Variants in MSRB1 observed in about 807,000 individuals in gnomAD.
MSRB1 encodes methionine sulfoxide reductase B1, also known as methionine-R-sulfoxide reductase B1.
Under a neutral mutation model 15.2 loss-of-function variants are expected in MSRB1, and 13 were observed. The observed-to-expected ratio is 0.86, with a 90% CI of 0.56 to 1.36. MSRB1 has a LOEUF of 1.36. Ranked by LOEUF, MSRB1 falls within the 40% of genes most tolerant of loss-of-function variation. The pLI is 0.00. For missense variants in MSRB1, 174 were observed against 155.9 expected, an observed-to-expected ratio of 1.12 and a Z score of -0.62; for synonymous variants, 68 against 64.5, an observed-to-expected ratio of 1.05 and a Z score of -0.26.
rs775877649 is a variant in MSRB1 at position 1,941,274 on chromosome 16, T to C, written c.187A>G (p.Arg63Gly). The C allele has an allele frequency of 3.1e-6, 5 of 1,612,536 alleles. No homozygotes were observed. The highest frequency in any genetic ancestry group is 4.2e-6 in the Non-Finnish European group (5 of 1,179,736). ...DSVAKRPEHN[R>G]SEALKVSCGK... Reference sequence around the variant, plus strand: ...CCTCTCACCTTCAAGGCTTCAGATCTATTGTGCTCCGGACGCTTGGCCACG... The same window carrying C: ...CCTCTCACCTTCAAGGCTTCAGATCCATTGTGCTCCGGACGCTTGGCCACG... Residue 63 changes from arginine (R) to glycine (G), a missense_variant, in exon 2 of 4, where the codon AGA becomes GGA. Transcript: ENST00000361871.
Position 1,940,801 on chromosome 16 carries a change from C to A in MSRB1, c.296G>T (p.Ser99Ile), listed in dbSNP as rs1279176916. Residue 99 changes from serine (S) to isoleucine (I), a missense_variant, in exon 3 of 4, where the codon AGC becomes ATC. Ser to Ile is a moderately radical substitution (Grantham distance 142). Transcript: ENST00000361871. The part of the protein sequence containing the change: ...PGQSRFUIFS[S>I]SLKFVPKGKE... The stretch of plus-strand genomic sequence containing the variant: ...ACCTTTAGGGACAAACTTCAGCGAG[C>A]TGCTGAATATTCAGAATCGGGACTG... 2 of 1,613,732 alleles carry A rather than the reference C, an allele frequency of 1.2e-6. No homozygotes were observed. Among genetic ancestry groups the A allele is most frequent in the East Asian group, 2.2e-5 (1 of 44,858 alleles).
In MSRB1 at chr16:1,941,410, G is replaced by A. The variant is rs910519456; in HGVS notation, c.56-5C>T. The A allele has an allele frequency of 1.2e-6, 2 of 1,607,434 alleles. No individual in the cohort carries two copies. The highest frequency in any genetic ancestry group is 2.7e-5 in the African/African-American group (2 of 74,666). On this transcript the variant is annotated splice_region_variant and splice_polypyrimidine_tract_variant and intron_variant, in intron 1 of 3. Transcript: ENST00000361871. ...ACTTGGCACACACGTAAACGCCTGT[G>A]GTGGAAGGAGAGGCAAATGTGGAGT... is the stretch of plus-strand genomic sequence containing the variant.
Position 1,938,821 on chromosome 16 carries a change from C to G in MSRB1, c.*291G>C. ...ACGTCATTCAGAGACCAGCTGCACC[C>G]AGGGCTCACCTCCTGGAGGCACCTA... On this transcript the variant is annotated 3_prime_UTR_variant, in exon 4 of 4. Coordinates refer to ENST00000361871, the MANE Select transcript of MSRB1 (RefSeq NM_016332.4). The G allele has an allele frequency of 1.9e-6, 1 of 517,548 alleles. No individual in the cohort carries two copies. The highest frequency in any genetic ancestry group is 3.4e-6 in the Non-Finnish European group (1 of 292,794). The allele number at this position is 517,548 out of a possible 1,614,324, so 32.1% of individuals were successfully genotyped here.
intron 1 of MSRB1, 189 bp from the exon 2 acceptor site, chr16:1,941,594 G>T: frequency 1.4e-6 from 1 of 707,956 alleles, no homozygotes; most frequent in East Asian, 2.7e-5. Flanking sequence ...CCAGAGACCA[G>T]GGGAGTCACC....
At chr16:1,940,668 T>G in intron 3 of MSRB1, 110 bp downstream of exon 3, 2 of 1,325,944 alleles carry the variant, frequency 1.5e-6, no homozygotes, top group Non-Finnish European at 2.0e-6. Flanking sequence ...GCAGCGTGAC[T>G]TGGTGGCCCC....
chr16:1,943,067 G>T, intron 1 of MSRB1, 35 bp downstream of exon 1: 1 of 1,549,422 alleles, frequency 6.5e-7, no homozygotes, highest in Non-Finnish European at 8.7e-7. Flanking sequence ...GCCCCCCGCC[G>T]CGCTGCCCTC....
At chr16:1,940,667 C>T in intron 3 of MSRB1, 111 bp downstream of exon 3, 6 of 1,323,182 alleles carry the variant, frequency 4.5e-6, no homozygotes, top group Non-Finnish European at 6.2e-6. Flanking sequence ...GGCAGCGTGA[C>T]TTGGTGGCCC....
In MSRB1 at chr16:1,943,181, T is replaced by C. The variant is rs2083092124; in HGVS notation, c.-25A>G. On this transcript the variant is annotated 5_prime_UTR_variant, in exon 1 of 4. Coordinates refer to ENST00000361871, the MANE Select transcript of MSRB1 (RefSeq NM_016332.4). Reference sequence around the variant, plus strand: ...TGGCGCCACCGGAACCGCAGCGCGCTTGCCGCTGCCAACTGACCAAAGGCT... The same window carrying C: ...TGGCGCCACCGGAACCGCAGCGCGCCTGCCGCTGCCAACTGACCAAAGGCT... The C allele has an allele frequency of 6.4e-7, 1 of 1,552,172 alleles. No individual in the cohort carries two copies. Among genetic ancestry groups the C allele is most frequent in the Non-Finnish European group, 8.7e-7 (1 of 1,148,052 alleles).
chr16:1,941,233 TC>T, intron 2 of MSRB1, 23 bp downstream of exon 2: 23 of 1,183,480 alleles, frequency 1.9e-5, no homozygotes, highest in Middle Eastern at 4.2e-4. Flanking sequence ...CCCCCGTCCC[TC>T]CCCCACCCCT....
rs1226575131 is a variant in MSRB1, at chr16:1,938,872, G to A, written c.*240C>T. The A allele has an allele frequency of 1.3e-5, 8 of 599,680 alleles. No individual in the cohort carries two copies. The highest frequency in any genetic ancestry group is 6.0e-5 in the South Asian group (3 of 50,328). 37.1% of individuals were successfully genotyped at this position (599,680 alleles called of 1,614,324 possible). A position where few individuals can be genotyped will look rare whatever the true frequency, so the allele number is the denominator to read the frequency against. ...GAGTGAGCAGGGGGCTAAGTCAGCCGACAGTGTGGCTGCACAGCCCAGGCC... is the reference window on the plus strand; with the variant it reads ...GAGTGAGCAGGGGGCTAAGTCAGCCAACAGTGTGGCTGCACAGCCCAGGCC... On this transcript the variant is annotated 3_prime_UTR_variant, in exon 4 of 4. Coordinates refer to ENST00000361871, the MANE Select transcript of MSRB1 (RefSeq NM_016332.4).
At chr16:1,941,137 G>T (rs1170772589) in intron 2 of MSRB1, 120 bp downstream of exon 2, 1 of 1,554,366 alleles carries the variant, frequency 6.4e-7, no homozygotes, top group Non-Finnish European at 8.7e-7. Flanking sequence ...GAGGCAACAG[G>T]CCTGGAATAG....
rs2974864 is a variant in MSRB1 at position 1,939,124 on chromosome 16, G to A, written c.339C>T (p.Ser113=). The A allele has an allele frequency of 9.9e-6, 16 of 1,609,840 alleles. No individual in the cohort carries two copies. Among genetic ancestry groups the A allele is most frequent in the Non-Finnish European group, 1.4e-5 (16 of 1,178,796 alleles). The part of the protein sequence containing the change: ...FVPKGKETSA[S]QGH ...GTGGGCTGCCCGCCTAGTGACCCTG[G>A]GAGGCAGAAGTTTCTTTGCCTGAAA... The change falls in exon 4 of 4, where the codon TCC becomes TCT. Residue 113 remains serine, a synonymous_variant. Coordinates refer to ENST00000361871, the MANE Select transcript of MSRB1 (RefSeq NM_016332.4).
In MSRB1 at chr16:1,940,900, G is replaced by A; in HGVS notation, c.205-8C>T. 3 of 1,614,130 alleles carry A rather than the reference G, an allele frequency of 1.9e-6. No individual in the cohort carries two copies. Among genetic ancestry groups the A allele is most frequent in the Non-Finnish European group, 2.5e-6 (3 of 1,180,034 alleles). ...ACACTTGCCACAGGACACCTGGAAA[G>A]ATCACAAGGCAGCTGGGTGAGCTTC... On this transcript the variant is annotated splice_region_variant and splice_polypyrimidine_tract_variant and intron_variant, in intron 2 of 3. Transcript: ENST00000361871.
Position 1,941,308 on chromosome 16 carries a change from G to T in MSRB1, c.153C>A (p.His51Gln), listed in dbSNP as rs758003053. The T allele has an allele frequency of 1.9e-6, 3 of 1,613,816 alleles. No homozygotes were observed. The Admixed American group carries it at 5.0e-5, about 27-fold the overall frequency. Reference protein sequence around the residue: ...SPWPAFTETIHADSVAKRPEH... With the variant: ...SPWPAFTETIQADSVAKRPEH... ...CCGGACGCTTGGCCACGCTGTCGGCGTGAATGGTCTCGGTGAACGCCGGCC... is the reference window on the plus strand; with the variant it reads ...CCGGACGCTTGGCCACGCTGTCGGCTTGAATGGTCTCGGTGAACGCCGGCC... The change falls in exon 2 of 4, where the codon CAC (histidine) becomes CAA (glutamine). Residue 51 changes from histidine to glutamine, a missense_variant. Physicochemically the swap from His to Gln is conservative, Grantham distance 24. Coordinates refer to ENST00000361871, the MANE Select transcript of MSRB1 (RefSeq NM_016332.4).
In MSRB1 at chr16:1,939,135, T is replaced by C; in HGVS notation, c.328A>G (p.Thr110Ala). 1 of 1,607,334 alleles carries C rather than the reference T, an allele frequency of 6.2e-7. No individual in the cohort carries two copies. Among genetic ancestry groups the C allele is most frequent in the Non-Finnish European group, 8.5e-7 (1 of 1,178,002 alleles). The part of the protein sequence containing the change: ...SLKFVPKGKE[T>A]SASQGH ...GCCTAGTGACCCTGGGAGGCAGAAG[T>C]TTCTTTGCCTGAAAGAGAGGAGAGG... Residue 110 changes from threonine (T) to alanine (A), a missense_variant, in exon 4 of 4, where the codon ACT becomes GCT. Physicochemically the swap from Thr to Ala is moderately conservative, Grantham distance 58. Transcript: ENST00000361871.
At position 1,941,290 on chromosome 16, in the gene MSRB1, C is replaced by T; in HGVS notation, c.171G>A (p.Lys57=). Reference sequence around the variant, plus strand: ...CTTCAGATCTATTGTGCTCCGGACGCTTGGCCACGCTGTCGGCGTGAATGG... The same window carrying T: ...CTTCAGATCTATTGTGCTCCGGACGTTTGGCCACGCTGTCGGCGTGAATGG... ...TETIHADSVA[K]RPEHNRSEAL... The change falls in exon 2 of 4, where the codon AAG becomes AAA. Residue 57 remains lysine, a synonymous_variant. Transcript: ENST00000361871. 1 of 1,613,650 alleles carries T rather than the reference C, an allele frequency of 6.2e-7. No individual in the cohort carries two copies. The highest frequency in any genetic ancestry group is 1.1e-5 in the South Asian group (1 of 91,052).
rs1030829783 is a variant in MSRB1, at chr16:1,938,826, C to G, written c.*286G>C. On this transcript the variant is annotated 3_prime_UTR_variant, in exon 4 of 4. Coordinates refer to ENST00000361871, the MANE Select transcript of MSRB1 (RefSeq NM_016332.4). Reference sequence around the variant, plus strand: ...ATTCAGAGACCAGCTGCACCCAGGGCTCACCTCCTGGAGGCACCTAGAGTG... The same window carrying G: ...ATTCAGAGACCAGCTGCACCCAGGGGTCACCTCCTGGAGGCACCTAGAGTG... 3.4e-5 allele frequency: 18 copies of G among 524,390 alleles called. No homozygotes were observed. The highest frequency in any genetic ancestry group is 3.0e-4 in the African/African-American group (15 of 49,624). 32.5% of individuals were successfully genotyped at this position (524,390 alleles called of 1,614,324 possible). A position where few individuals can be genotyped will look rare whatever the true frequency, so the allele number is the denominator to read the frequency against.
intron 3 of MSRB1, 22 bp from the exon 4 acceptor site, chr16:1,939,165 G>A (rs374626717): frequency 1.9e-5 from 30 of 1,599,338 alleles, no homozygotes; most frequent in East Asian, 9.1e-5. Context: ...GAGAGGGGGC[G>A]GAAAGTATGC....
In MSRB1 at chr16:1,940,987, C is replaced by A. The variant is rs2083072705; in HGVS notation, c.205-95G>T. Reference sequence around the variant, plus strand: ...GGCTGGCAGATGGTGTTTCTTCCCACACGCCTATTTCCCAAGCTGACCGCC... The same window carrying A: ...GGCTGGCAGATGGTGTTTCTTCCCAAACGCCTATTTCCCAAGCTGACCGCC... On this transcript the variant is annotated intron_variant, in intron 2 of 3. Coordinates refer to ENST00000361871, the MANE Select transcript of MSRB1 (RefSeq NM_016332.4). 2.5e-6 allele frequency: 4 copies of A among 1,582,056 alleles called. No homozygotes were observed. The African/African-American group carries it at 5.4e-5, about 21-fold the overall frequency.
Sources: gnomAD v4.1 joint callset for allele counts on GRCh38, gnomAD v4.1.1 for gene constraint, MANE v1.5 for transcripts, NCBI Gene and HGNC (gene_info 2026-07-23, HGNC 2026-07-21) for gene names.